Variants in ATP2B2 observed in about 807,000 individuals in gnomAD.
ATP2B2 encodes plasma membrane calcium-transporting ATPase 2.
ATP2B2 carries 15 observed loss-of-function variants against 120.0 expected under a neutral mutation model. The observed-to-expected ratio is 0.12, with a 90% CI of 0.08 to 0.19. ATP2B2 has a LOEUF of 0.19. ATP2B2 is among the 10% of genes least tolerant of loss of function. The pLI is 1.00. For missense variants in ATP2B2, 1,045 were observed against 1,719.8 expected (o/e 0.61, Z 6.94); for synonymous variants, 694 against 700.3 (o/e 0.99, Z 0.14).
intron 3 of ATP2B2, among the ~76,000 whole-genome samples, chr3:10,408,732 G>A (rs1474095086): frequency 6.6e-6 from 1 of 152,062 alleles, no homozygotes; most frequent in Admixed American, 6.6e-5. Flanking sequence ...CTGTCTAGAG[G>A]GTGAGAAGCT....
chr3:10,329,191 A>AG lies in ATP2B2; in HGVS notation c.3421-67dup. 1.4e-6 allele frequency: 1 copy of AG among 709,192 alleles called. No homozygotes were observed. Among genetic ancestry groups the AG allele is most frequent in the Non-Finnish European group, 2.3e-6 (1 of 432,718 alleles). 43.9% of individuals were successfully genotyped at this position (709,192 alleles called of 1,614,324 possible). Reference sequence around the variant, plus strand: ...CCACAGCCAGGCTCGGGGGGCTCACAGGAGGGGCGGGTGGGAGAAGGGTTA... The same window carrying AG: ...CCACAGCCAGGCTCGGGGGGCTCACAGGGAGGGGCGGGTGGGAGAAGGGTTA... On this transcript the variant is annotated intron_variant, in intron 22 of 22. Coordinates refer to ENST00000360273, the MANE Select transcript of ATP2B2 (RefSeq NM_001001331.4). This position sits in a 1 kb window ranked among gnomAD's most constrained non-coding sequence, Gnocchi z 5.9.
intron 1 of ATP2B2, among the ~76,000 whole-genome samples, chr3:10,624,678 C>A (rs1438801926): frequency 6.6e-6 from 1 of 152,082 alleles, no homozygotes; most frequent in Non-Finnish European, 1.5e-5. Context: ...CAAACATCAG[C>A]CCTGGTGGAA....
At chr3:10,379,759 G>A (rs577570880) in intron 8 of ATP2B2, among the ~76,000 whole-genome samples, 1 of 150,706 alleles carries the variant, frequency 6.6e-6, no homozygotes, top group Non-Finnish European at 1.5e-5. Flanking sequence ...AGAGAGAGGG[G>A]AGAGGGGGAG....
intron 1 of ATP2B2, among the ~76,000 whole-genome samples, chr3:10,689,303 C>T (rs1189072800): frequency 6.6e-6 from 1 of 152,124 alleles, no homozygotes; most frequent in African/African-American, 2.4e-5. Flanking sequence ...TGAAGCTTGC[C>T]TTTGCTGCTC....
At chr3:10,497,720 C>T (rs1303883061) in intron 1 of ATP2B2, among the ~76,000 whole-genome samples, 1 of 152,222 alleles carries the variant, frequency 6.6e-6, no homozygotes, top group African/African-American at 2.4e-5. Flanking sequence ...TAAATTCCTC[C>T]TTGTACTACG....
In ATP2B2 at chr3:10,562,481, G is replaced by C. The variant is rs569836858; in HGVS notation, c.-414-28348C>G. On this transcript the variant is annotated intron_variant, in intron 2 of 21. Coordinates refer to the ATP2B2 transcript ENST00000646379. Reference sequence around the variant, plus strand: ...ACTAGTCTATGGGTCTTCTCTTGCTGGGTCTTGGGGAAGGAGGGAAGACTC... The same window carrying C: ...ACTAGTCTATGGGTCTTCTCTTGCTCGGTCTTGGGGAAGGAGGGAAGACTC... 1.1e-4 allele frequency among the ~76,000 whole-genome samples: 16 copies of C among 152,230 alleles called. No homozygotes were observed. The East Asian group carries it at 1.2e-3, about 11-fold the overall frequency.
chr3:10,532,690 C>T (rs1411865092), intron 3 of ATP2B2, among the ~76,000 whole-genome samples: 2 of 152,144 alleles, frequency 1.3e-5, no homozygotes, highest in Admixed American at 6.6e-5. Context: ...CAATCTGGTT[C>T]GTCCCAAAGT....
chr3:10,423,827 A>G (rs2125074199), intron 2 of ATP2B2, among the ~76,000 whole-genome samples: 1 of 152,246 alleles, frequency 6.6e-6, no homozygotes, highest in South Asian at 2.1e-4. Flanking sequence ...CAGTTTCTTT[A>G]TCCACAAACT....
rs1223958665 is a variant in ATP2B2 at position 10,665,584 on chromosome 3, C to T, written c.-460+42331G>A. On this transcript the variant is annotated intron_variant, in intron 1 of 21. Coordinates refer to the ATP2B2 transcript ENST00000646379. ...GCACATTCACAGTGCCTGGCACCTA[C>T]TAGGACTCTATAACTACTGCCTGAA... Among the ~76,000 whole-genome samples, 6 of 152,350 alleles carry T rather than the reference C, an allele frequency of 3.9e-5. No individual in the cohort carries two copies. The East Asian group carries it at 1.2e-3, about 29-fold the overall frequency.
chr3:10,411,450 C>T (rs1299520744), intron 2 of ATP2B2, among the ~76,000 whole-genome samples: 1 of 152,190 alleles, frequency 6.6e-6, no homozygotes, highest in African/African-American at 2.4e-5. Flanking sequence ...ACTCCTACAG[C>T]CGCCTTGCGC....
intron 2 of ATP2B2, among the ~76,000 whole-genome samples, chr3:10,417,960 T>C (rs1175327309): frequency 6.6e-6 from 1 of 152,202 alleles, no homozygotes; most frequent in African/African-American, 2.4e-5. Context: ...TTGTCCCCAG[T>C]GGCCAGGAAA....
At chr3:10,631,171 C>T (rs187577821) in intron 1 of ATP2B2, among the ~76,000 whole-genome samples, 152 of 152,226 alleles carry the variant, frequency 1.0e-3, no homozygotes, top group African/African-American at 3.3e-3. Flanking sequence ...AAGGTTTAAA[C>T]GAGTCAGTAT....
intron 1 of ATP2B2, among the ~76,000 whole-genome samples, chr3:10,483,933 TA>T (rs5846663): frequency 0.69 from 104,562 of 152,002 alleles, 36,477 homozygotes; most frequent in Admixed American, 0.74. Flanking sequence ...GGTCCAGGGA[TA>T]AAGGGGTCTC....
intron 2 of ATP2B2, among the ~76,000 whole-genome samples, chr3:10,617,811 G>C (rs999633589): frequency 1.3e-5 from 2 of 151,834 alleles, no homozygotes; most frequent in Admixed American, 6.6e-5. Context: ...GCAGGACCAG[G>C]AAGACGCAAA....
chr3:10,375,656 G>C lies in ATP2B2; in HGVS notation c.1202-12C>G. ...TGACATCACCAAGCCTGCAATGTGA[G>C]GGACACATGCTTGGGGGGTTCCAGG... On this transcript the variant is annotated splice_polypyrimidine_tract_variant and intron_variant, in intron 10 of 22. Coordinates refer to ENST00000360273, the MANE Select transcript of ATP2B2 (RefSeq NM_001001331.4). The surrounding 1 kb of genome is among the most constrained non-coding windows in gnomAD (Gnocchi z 4.2). 3 of 1,610,990 alleles carry C rather than the reference G, an allele frequency of 1.9e-6. No individual in the cohort carries two copies. Among genetic ancestry groups the C allele is most frequent in the Non-Finnish European group, 2.5e-6 (3 of 1,177,692 alleles).
chr3:10,657,925 C>T (rs544673890), intron 1 of ATP2B2, among the ~76,000 whole-genome samples: 24 of 152,370 alleles, frequency 1.6e-4, no homozygotes, highest in African/African-American at 5.8e-4. Context: ...CAGGCAGCAA[C>T]ATATGCTGTT....
intron 2 of ATP2B2, among the ~76,000 whole-genome samples, chr3:10,557,226 G>A (rs1035724219): frequency 6.6e-6 from 1 of 152,220 alleles, no homozygotes; most frequent in African/African-American, 2.4e-5. Flanking sequence ...AGTTCCAGGG[G>A]CCCAGAAATG....
chr3:10,561,953 A>G (rs986139918), intron 2 of ATP2B2, among the ~76,000 whole-genome samples: 2 of 152,194 alleles, frequency 1.3e-5, no homozygotes, highest in African/African-American at 4.8e-5. Flanking sequence ...CTGACTCTGC[A>G]CTTAATATCT....
At chr3:10,522,455 C>T (rs763649444) in intron 3 of ATP2B2, among the ~76,000 whole-genome samples, 1 of 152,232 alleles carries the variant, frequency 6.6e-6, no homozygotes, top group Non-Finnish European at 1.5e-5. Context: ...TCATGCCTAT[C>T]TCCCTTCTAC....
Sources: allele counts gnomAD v4.1 joint callset (sites outside exome capture counted in the v4.1 genomes callset), GRCh38; gene constraint gnomAD v4.1.1; non-coding constraint Gnocchi (gnomAD v3.1); transcripts MANE v1.5; gene names NCBI Gene and HGNC (gene_info 2026-07-23, HGNC 2026-07-21).